The following ELMO1 variants were observed in gnomAD, a reference collection of about 807,000 sequenced individuals.
ELMO1 encodes engulfment and cell motility protein 1.
Under a neutral mutation model 98.9 loss-of-function variants are expected in ELMO1, and 26 were observed. That is an observed-to-expected ratio of 0.26 (90% confidence interval 0.19 to 0.36). The LOEUF is 0.36. Among genes scored for constraint, ELMO1 ranks in the 10% least tolerant of loss-of-function variants. ELMO1 has a pLI of 1.00. For missense variants in ELMO1, 627 were observed against 935.2 expected, an observed-to-expected ratio of 0.67 and a Z score of 4.30; for synonymous variants, 346 against 346.0, an observed-to-expected ratio of 1.00 and a Z score of 0.00.
intron 13 of ELMO1, among the ~76,000 whole-genome samples, chr7:37,167,793 T>C (rs1436830716): frequency 6.6e-6 from 1 of 150,378 alleles, no homozygotes; most frequent in African/African-American, 2.4e-5. Context: ...ATTTCAACTT[T>C]GGTGAATCTG....
At chr7:37,222,587 G>T in intron 10 of ELMO1, 28 bp downstream of exon 10, 1 of 1,607,536 alleles carries the variant, frequency 6.2e-7, no homozygotes, top group Non-Finnish European at 8.5e-7. Flanking sequence ...CCTTGACATA[G>T]CCATAAGACT....
intron 1 of ELMO1, among the ~76,000 whole-genome samples, chr7:37,420,439 G>T (rs901071948): frequency 6.6e-6 from 1 of 152,138 alleles, no homozygotes; most frequent in African/African-American, 2.4e-5. Context: ...CTGATTTTGT[G>T]TTATTTTCAT....
In ELMO1 at chr7:37,177,476, T is replaced by C. The variant is rs542655294; in HGVS notation, c.1086+33910A>G. Among the ~76,000 whole-genome samples, 4 of 152,344 alleles carry C rather than the reference T, an allele frequency of 2.6e-5. No individual in the cohort carries two copies. The East Asian group carries it at 7.7e-4, about 29-fold the overall frequency. On this transcript the variant is annotated intron_variant, in intron 13 of 21. Transcript: ENST00000310758. Reference sequence around the variant, plus strand: ...ATATTCAAGTTACAGCACAATAATTTAAAATGTATTCTGAGAATAATTTGA... The same window carrying C: ...ATATTCAAGTTACAGCACAATAATTCAAAATGTATTCTGAGAATAATTTGA...
intron 13 of ELMO1, among the ~76,000 whole-genome samples, chr7:37,169,910 CT>C (rs555540158): frequency 3.3e-5 from 5 of 149,494 alleles, no homozygotes; most frequent in African/African-American, 9.8e-5. Flanking sequence ...ATGCACATTT[CT>C]TTTTTTTTTG....
intron 14 of ELMO1, among the ~76,000 whole-genome samples, chr7:37,125,989 C>T (rs1411324578): frequency 6.6e-6 from 1 of 152,092 alleles, no homozygotes; most frequent in African/African-American, 2.4e-5. Context: ...GAGGTCATGT[C>T]CTTTGTAAGG....
chr7:37,096,226 T>G (rs764749051), intron 15 of ELMO1, among the ~76,000 whole-genome samples: 2 of 152,174 alleles, frequency 1.3e-5, no homozygotes, highest in South Asian at 4.1e-4. Context: ...GGTATTCAAT[T>G]TTTCTTTATA....
intron 16 of ELMO1, among the ~76,000 whole-genome samples, chr7:36,935,260 G>A (rs1882085): frequency 0.016 from 2,391 of 152,288 alleles, 57 homozygotes; most frequent in Admixed American, 0.069. Context: ...TGTGTGAGAT[G>A]TGCCTTTCAC....
chr7:37,268,846 A>G (rs1179160647), intron 5 of ELMO1, among the ~76,000 whole-genome samples: 5 of 152,382 alleles, frequency 3.3e-5, no homozygotes, highest in African/African-American at 1.2e-4. Flanking sequence ...GACAGAAAAC[A>G]AATTCATCAA....
intron 15 of ELMO1, among the ~76,000 whole-genome samples, chr7:37,069,741 T>C (rs1313073237): frequency 6.6e-6 from 1 of 152,212 alleles, no homozygotes; most frequent in Non-Finnish European, 1.5e-5. Context: ...GAATTAGTAA[T>C]AAACTTTGCT....
At chr7:36,936,422 T>C (rs1786535996) in intron 16 of ELMO1, among the ~76,000 whole-genome samples, 2 of 152,206 alleles carry the variant, frequency 1.3e-5, no homozygotes, top group African/African-American at 4.8e-5. Flanking sequence ...GTCTGGCTTC[T>C]AGTTAAAGAG....
At chr7:37,034,729 G>C (rs1219947210) in intron 15 of ELMO1, among the ~76,000 whole-genome samples, 1 of 152,134 alleles carries the variant, frequency 6.6e-6, no homozygotes. Flanking sequence ...GACTGTTTCA[G>C]TTTCTTTGAT....
At position 37,408,548 on chromosome 7, in the gene ELMO1, G is replaced by A. The variant is rs150720970; in HGVS notation, c.-74+40127C>T. On this transcript the variant is annotated intron_variant, in intron 1 of 21. Transcript: ENST00000310758. Reference sequence around the variant, plus strand: ...AGATGAAGGGATAAAGAAACGGTAGGAATATACATGCAATGGAATATTATT... The same window carrying A: ...AGATGAAGGGATAAAGAAACGGTAGAAATATACATGCAATGGAATATTATT... 6.8e-3 allele frequency among the ~76,000 whole-genome samples: 1,038 copies of A among 152,270 alleles called. 9 individuals carry two copies. Among genetic ancestry groups the A allele is most frequent in the African/African-American group, 0.024 (1,007 of 41,536 alleles).
intron 16 of ELMO1, among the ~76,000 whole-genome samples, chr7:36,898,497 C>A (rs1333569085): frequency 1.3e-5 from 2 of 152,210 alleles, no homozygotes; most frequent in Non-Finnish European, 2.9e-5. Flanking sequence ...GAGAGTCCCA[C>A]AAGACATTTG....
chr7:37,213,750 C>T (rs1298739479), intron 11 of ELMO1, among the ~76,000 whole-genome samples: 2 of 152,090 alleles, frequency 1.3e-5, no homozygotes, highest in African/African-American at 2.4e-5. Context: ...AGAAGATGTG[C>T]TTGAAATGGG....
At chr7:37,257,369 A>G (rs1795723295) in intron 6 of ELMO1, among the ~76,000 whole-genome samples, 1 of 152,176 alleles carries the variant, frequency 6.6e-6, no homozygotes. Flanking sequence ...CAGGTGGATC[A>G]CTTGAGGTCA....
intron 8 of ELMO1, among the ~76,000 whole-genome samples, chr7:37,230,320 C>G (rs1034582952): frequency 3.9e-5 from 6 of 152,100 alleles, no homozygotes; most frequent in Non-Finnish European, 7.4e-5. Flanking sequence ...CCCAGGGGAA[C>G]AGAGAGCAGA....
At chr7:37,217,615 G>A in intron 10 of ELMO1, 1 of 436,610 alleles carries the variant, frequency 2.3e-6, no homozygotes, top group Non-Finnish European at 4.7e-6. Context: ...GGGGGTGGGG[G>A]AGATTTCTGA....
chr7:37,378,361 C>A (rs1802443877), intron 1 of ELMO1, among the ~76,000 whole-genome samples: 2 of 152,198 alleles, frequency 1.3e-5, no homozygotes, highest in South Asian at 4.1e-4. Context: ...CTGAAACCTG[C>A]ACCAGGAAAA....
intron 10 of ELMO1, among the ~76,000 whole-genome samples, chr7:37,221,978 G>A (rs563098309): frequency 6.6e-6 from 1 of 152,202 alleles, no homozygotes; most frequent in Non-Finnish European, 1.5e-5. Flanking sequence ...GACTACAGGT[G>A]TGAGCCACCG....
Sources: gnomAD v4.1 joint callset for allele counts (sites outside exome capture counted in the v4.1 genomes callset) on GRCh38, gnomAD v4.1.1 for gene constraint, MANE v1.5 for transcripts, NCBI Gene and HGNC (gene_info 2026-07-23, HGNC 2026-07-21) for gene names.